SLC22A15: variants seen among roughly 807,000 people sequenced by gnomAD.
The protein encoded by SLC22A15 is solute carrier family 22 member 15.
SLC22A15 carries 45 observed loss-of-function variants against 62.7 expected under a neutral mutation model. The ratio of observed to expected loss-of-function variants is 0.72; its 90% CI spans 0.56 to 0.92. SLC22A15 has a LOEUF of 0.92. Ranked by LOEUF, SLC22A15 falls within the 40% of genes least tolerant of loss-of-function variation. The pLI, the probability that SLC22A15 is intolerant of heterozygous loss-of-function variation, is 0.00. For missense variants in SLC22A15, 622 were observed against 665.6 expected, an observed-to-expected ratio of 0.93 and a Z score of 0.72; for synonymous variants, 264 against 267.0, an observed-to-expected ratio of 0.99 and a Z score of 0.11.
At chr1:115,997,117 C>T (rs906698088) in intron 2 of SLC22A15, among the ~76,000 whole-genome samples, 1 of 152,108 alleles carries the variant, frequency 6.6e-6, no homozygotes, top group African/African-American at 2.4e-5. Flanking sequence ...TATAGATACT[C>T]TTTATCAAAT....
intron 8 of SLC22A15, among the ~76,000 whole-genome samples, chr1:116,046,363 C>T (rs1030140818): frequency 1.3e-5 from 2 of 152,020 alleles, no homozygotes; most frequent in Non-Finnish European, 2.9e-5. Context: ...TGATAAAAGA[C>T]TTGTATCCAG....
chr1:116,041,864 G>T (rs561388773), intron 8 of SLC22A15, among the ~76,000 whole-genome samples: 1 of 152,248 alleles, frequency 6.6e-6, no homozygotes, highest in Non-Finnish European at 1.5e-5. Flanking sequence ...TCCATGAATG[G>T]TTTGTGTTCT....
chr1:116,024,364 C>G (rs1039327774), intron 4 of SLC22A15, among the ~76,000 whole-genome samples: 1 of 152,146 alleles, frequency 6.6e-6, no homozygotes, highest in Non-Finnish European at 1.5e-5. Context: ...ATACTCTTTT[C>G]TAACCTGCTG....
intron 2 of SLC22A15, among the ~76,000 whole-genome samples, chr1:115,995,898 T>C (rs542876818): frequency 3.9e-4 from 60 of 152,362 alleles, no homozygotes; most frequent in Admixed American, 9.1e-4. Flanking sequence ...AGAAATTTTG[T>C]GTACTCTTTA....
chr1:115,986,347 A>G (rs1156648508), intron 1 of SLC22A15, among the ~76,000 whole-genome samples: 2 of 152,214 alleles, frequency 1.3e-5, no homozygotes, highest in Non-Finnish European at 2.9e-5. Flanking sequence ...AGTATAAATT[A>G]GGGTTTCTTT....
intron 1 of SLC22A15, among the ~76,000 whole-genome samples, chr1:115,986,911 G>T (rs1417999953): frequency 6.6e-6 from 1 of 152,146 alleles, no homozygotes; most frequent in African/African-American, 2.4e-5. Flanking sequence ...ATTTGCTCAA[G>T]GTTTAATTAG....
At chr1:116,038,638 C>T (rs747962997) in intron 8 of SLC22A15, among the ~76,000 whole-genome samples, 9 of 152,200 alleles carry the variant, frequency 5.9e-5, no homozygotes, top group Non-Finnish European at 1.2e-4. Context: ...GAGGAACTCC[C>T]CAGCTATTGC....
At chr1:116,015,566 G>A (rs1267774873) in intron 2 of SLC22A15, among the ~76,000 whole-genome samples, 1 of 152,146 alleles carries the variant, frequency 6.6e-6, no homozygotes, top group Non-Finnish European at 1.5e-5. Context: ...TGATTATGGA[G>A]TTTTCAAATT....
intron 1 of SLC22A15, among the ~76,000 whole-genome samples, chr1:115,986,320 C>A (rs76704363): frequency 0.018 from 2,737 of 151,978 alleles, 35 homozygotes; most frequent in Middle Eastern, 0.065. Flanking sequence ...GTGTTGGGTT[C>A]TTTAGAGGGA....
chr1:116,023,870 T>C (rs1466870832), intron 4 of SLC22A15, among the ~76,000 whole-genome samples: 1 of 152,170 alleles, frequency 6.6e-6, no homozygotes, highest in African/African-American at 2.4e-5. Context: ...CTAGATGGAA[T>C]GGCAAAGACC....
intron 8 of SLC22A15, among the ~76,000 whole-genome samples, chr1:116,056,453 T>A (rs1658209801): frequency 6.6e-6 from 1 of 150,842 alleles, no homozygotes; most frequent in South Asian, 2.1e-4. Flanking sequence ...GTAGGAAGAA[T>A]CAATATCATG....
Position 116,066,681 on chromosome 1 carries a change from A to G in SLC22A15, c.1527A>G (p.Leu509=), listed in dbSNP as rs1436886019. The change falls in exon 11 of 12, where the codon TTA becomes TTG. Residue 509 remains leucine, a synonymous_variant. Coordinates refer to ENST00000369503, the MANE Select transcript of SLC22A15 (RefSeq NM_018420.3). The part of the protein sequence containing the change: ...YSYRRLGEEA[L]SLQALDPQQC... ...ATCGCAGGCTGGGAGAAGAAGCATT[A>G]TCTTTACAGGCTTTGGACCCCCAAC... 4 of 1,612,894 alleles carry G rather than the reference A, an allele frequency of 2.5e-6. No homozygotes were observed. The highest frequency in any genetic ancestry group is 1.7e-5 in the Admixed American group (1 of 59,848).
chr1:116,032,342 A>C, intron 6 of SLC22A15: 1 of 985,410 alleles, frequency 1.0e-6, no homozygotes, highest in South Asian at 4.7e-5. Context: ...GATATTGTAC[A>C]TACTGCTAAT....
At chr1:116,043,510 G>A (rs1043201492) in intron 8 of SLC22A15, among the ~76,000 whole-genome samples, 26 of 152,150 alleles carry the variant, frequency 1.7e-4, no homozygotes, top group African/African-American at 5.5e-4. Flanking sequence ...ATTCTTTTAA[G>A]TATCAGAAAA....
chr1:115,986,531 T>C (rs1654874006), intron 1 of SLC22A15, among the ~76,000 whole-genome samples: 1 of 152,210 alleles, frequency 6.6e-6, no homozygotes, highest in African/African-American at 2.4e-5. Context: ...GAGAGATATC[T>C]GAGCTTGAGC....
intron 8 of SLC22A15, among the ~76,000 whole-genome samples, chr1:116,052,741 C>T (rs940536680): frequency 1.3e-5 from 2 of 152,176 alleles, no homozygotes; most frequent in African/African-American, 2.4e-5. Flanking sequence ...GCAGCATTCG[C>T]GGTTCACGAA....
At chr1:115,986,043 A>G (rs1486721503) in intron 1 of SLC22A15, among the ~76,000 whole-genome samples, 2 of 149,910 alleles carry the variant, frequency 1.3e-5, no homozygotes, top group African/African-American at 2.4e-5. Context: ...GAGTCTCACT[A>G]TGTTGCCCAG....
chr1:116,007,829 T>C (rs1656058217), intron 2 of SLC22A15, among the ~76,000 whole-genome samples: 2 of 152,238 alleles, frequency 1.3e-5, no homozygotes, highest in Non-Finnish European at 1.5e-5. Context: ...ATTTTCAAGC[T>C]TTTTTAAAAA....
At chr1:115,977,865 A>T (rs952179956) in intron 1 of SLC22A15, among the ~76,000 whole-genome samples, 10 of 152,204 alleles carry the variant, frequency 6.6e-5, no homozygotes, top group African/African-American at 2.4e-4. Flanking sequence ...TGACTTATTG[A>T]TTAAAATGTT....
Sources: gnomAD v4.1 joint callset for allele counts (sites outside exome capture counted in the v4.1 genomes callset) on GRCh38, gnomAD v4.1.1 for gene constraint, MANE v1.5 for transcripts, NCBI Gene and HGNC (gene_info 2026-07-23, HGNC 2026-07-21) for gene names.